The following EPB41 variants were observed in gnomAD, a reference collection of about 807,000 sequenced individuals.
The protein encoded by EPB41 is erythrocyte membrane protein band 4.1.
Under a neutral mutation model 108.0 loss-of-function variants are expected in EPB41, and 65 were observed. The ratio of observed to expected loss-of-function variants is 0.60; its 90% confidence interval spans 0.49 to 0.74. EPB41 has a LOEUF of 0.74. Ranked by LOEUF, EPB41 falls within the 30% of genes least tolerant of loss-of-function variation. EPB41 has a pLI of 0.00. For synonymous variants in EPB41, 336 were observed against 358.9 expected (o/e 0.94, Z 0.72); for missense variants, 875 against 1,037.0 (o/e 0.84, Z 2.15).
intron 3 of EPB41, among the ~76,000 whole-genome samples, chr1:28,994,070 C>G (rs1402480123): frequency 2.0e-5 from 3 of 152,118 alleles, no homozygotes; most frequent in Non-Finnish European, 4.4e-5. Context: ...TTAAAATTTT[C>G]TGTTTTCTGA....
At chr1:28,930,063 C>G (rs1373867474) in intron 1 of EPB41, among the ~76,000 whole-genome samples, 2 of 151,346 alleles carry the variant, frequency 1.3e-5, no homozygotes, top group Non-Finnish European at 2.9e-5. Flanking sequence ...AACCCCAGTC[C>G]TAGGTAAGCA....
rs115968277 is a variant in EPB41 at position 28,924,117 on chromosome 1, G to A, written c.-8+9349G>A. On this transcript the variant is annotated intron_variant, in intron 1 of 20. Coordinates refer to ENST00000343067, the MANE Select transcript of EPB41 (RefSeq NM_001376013.1). ...GTGATGTCCATGTGGTTAAAAACGA[G>A]GTCTGTCAGTAAACTTGGATGCAGA... is the stretch of plus-strand genomic sequence containing the variant. Among the ~76,000 whole-genome samples, 1,095 of 152,300 alleles carry A rather than the reference G, an allele frequency of 7.2e-3. 16 individuals are homozygous for A. The highest frequency in any genetic ancestry group is 0.023 in the African/African-American group (944 of 41,558).
intron 1 of EPB41, among the ~76,000 whole-genome samples, chr1:28,958,662 A>C (rs1272108104): frequency 6.6e-6 from 1 of 150,956 alleles, no homozygotes; most frequent in African/African-American, 2.4e-5. Context: ...AAAATACAAA[A>C]ATTTAGCTGA....
At chr1:29,081,826 ACT>A (rs1656776820) in intron 16 of EPB41, among the ~76,000 whole-genome samples, 1 of 121,894 alleles carries the variant, frequency 8.2e-6, no homozygotes, top group Non-Finnish European at 1.8e-5. Flanking sequence ...CAAGAGCGAA[ACT>A]CTGTCTCAAA....
chr1:29,003,771 G>A (rs1338814063), intron 4 of EPB41, among the ~76,000 whole-genome samples: 2 of 152,122 alleles, frequency 1.3e-5, no homozygotes, highest in African/African-American at 4.8e-5. Flanking sequence ...CAAGACAAGT[G>A]GAAAAGCGGT....
intron 15 of EPB41, among the ~76,000 whole-genome samples, chr1:29,064,083 A>T (rs971520410): frequency 3.3e-5 from 5 of 150,638 alleles, no homozygotes; most frequent in South Asian, 2.1e-4. Context: ...CACAAAAATT[A>T]AAAAAAAAAT....
chr1:28,946,256 C>G (rs543228496), intron 1 of EPB41, among the ~76,000 whole-genome samples: 1 of 151,222 alleles, frequency 6.6e-6, no homozygotes, highest in Non-Finnish European at 1.5e-5. Context: ...AGTGCAATGG[C>G]GCAATTTCGG....
intron 16 of EPB41, among the ~76,000 whole-genome samples, chr1:29,075,950 T>C (rs1441257606): frequency 2.0e-5 from 3 of 152,218 alleles, no homozygotes; most frequent in Non-Finnish European, 2.9e-5. Flanking sequence ...AGTCTTTGTT[T>C]CAATATCTCC....
intron 15 of EPB41, among the ~76,000 whole-genome samples, chr1:29,064,160 CTT>C (rs1275464896): frequency 6.6e-6 from 1 of 152,090 alleles, no homozygotes; most frequent in African/African-American, 2.4e-5. Context: ...TTGGTGAACT[CTT>C]GTTAACTCAC....
chr1:28,987,344 T>TA, intron 1 of EPB41, 87 bp from the exon 2 acceptor site: 1 of 1,089,880 alleles, frequency 9.2e-7, no homozygotes, highest in African/African-American at 1.6e-5. Flanking sequence ...AATACCTAAG[T>TA]ATATTAATTT....
upstream of EPB41, among the ~76,000 whole-genome samples, chr1:28,914,210 G>A (rs774454914): frequency 3.9e-5 from 6 of 152,222 alleles, no homozygotes; most frequent in Non-Finnish European, 8.8e-5. Flanking sequence ...TTACTTGGAA[G>A]GAGGAAAGGG....
At chr1:28,898,079 T>G (rs1214498991) in intron 1 of EPB41, among the ~76,000 whole-genome samples, 1 of 152,142 alleles carries the variant, frequency 6.6e-6, no homozygotes, top group South Asian at 2.1e-4. Flanking sequence ...GACTGCATAC[T>G]GTGCTCAGGA....
intron 2 of EPB41, among the ~76,000 whole-genome samples, chr1:28,989,815 G>A (rs1202815573): frequency 1.3e-5 from 2 of 151,912 alleles, no homozygotes; most frequent in Admixed American, 1.3e-4. Context: ...AGGATTAAAA[G>A]AGTGAAACCG....
intron 16 of EPB41, among the ~76,000 whole-genome samples, chr1:29,073,959 A>G (rs1044283099): frequency 1.3e-5 from 2 of 152,236 alleles, no homozygotes. Context: ...ACTTTCTCCT[A>G]GTTTCCTAAG....
intron 17 of EPB41, among the ~76,000 whole-genome samples, chr1:29,108,715 G>T (rs981903809): frequency 2.0e-5 from 3 of 150,926 alleles, no homozygotes; most frequent in African/African-American, 7.3e-5. Flanking sequence ...GCACCACCAC[G>T]TCCGGCTAAT....
intron 1 of EPB41, among the ~76,000 whole-genome samples, chr1:28,892,797 C>CTTTTTT (rs995428093): frequency 1.0e-4 from 9 of 87,222 alleles, no homozygotes; most frequent in African/African-American, 1.4e-4. Flanking sequence ...TTCCCAGGTT[C>CTTTTTT]TTTTTTTTTT....
intron 4 of EPB41, among the ~76,000 whole-genome samples, 198 bp from the exon 5 acceptor site, chr1:29,011,667 A>G (rs1192341229): frequency 6.6e-6 from 1 of 152,228 alleles, no homozygotes; most frequent in Non-Finnish European, 1.5e-5. Flanking sequence ...TAGTGGAGCT[A>G]ATATTCAACC....
intron 13 of EPB41, 45 bp from the exon 14 acceptor site, chr1:29,058,766 A>G (rs1423883816): frequency 6.5e-7 from 1 of 1,534,496 alleles, no homozygotes. Context: ...TTCAATGAGC[A>G]ACATTTTATC....
intron 15 of EPB41, among the ~76,000 whole-genome samples, chr1:29,063,653 G>A (rs1189563185): frequency 1.1e-4 from 16 of 152,206 alleles, no homozygotes; most frequent in Admixed American, 7.2e-4. Context: ...AGCCAAAAAA[G>A]AAAGACTAAA....
Sources: allele counts gnomAD v4.1 joint callset (sites outside exome capture counted in the v4.1 genomes callset), GRCh38; gene constraint gnomAD v4.1.1; transcripts MANE v1.5; gene names NCBI Gene and HGNC (gene_info 2026-07-23, HGNC 2026-07-21).